SMAD7: variants seen among roughly 807,000 people sequenced by gnomAD.
The protein encoded by SMAD7 is MAD (mothers against decapentaplegic, Drosophila) homolog 7.
Under a neutral mutation model 38.7 loss-of-function variants are expected in SMAD7, and 8 were observed. The observed-to-expected ratio is 0.21, with a 90% CI of 0.12 to 0.37. The LOEUF is 0.37. SMAD7 is among the 10% of genes least tolerant of loss of function. The pLI is 1.00. For missense variants in SMAD7, 477 were observed against 577.9 expected, an observed-to-expected ratio of 0.83 and a Z score of 1.79; for synonymous variants, 327 against 265.1, an observed-to-expected ratio of 1.23 and a Z score of -2.27.
intron 3 of SMAD7, 142 bp downstream of exon 3, chr18:48,942,339 C>T (rs533029894): frequency 2.8e-5 from 18 of 648,472 alleles, no homozygotes; most frequent in East Asian, 1.6e-4. Context: ...ATGTCACCAC[C>T]GATGCATCCA....
intron 3 of SMAD7, among the ~76,000 whole-genome samples, chr18:48,925,254 A>G (rs1439187312): frequency 6.6e-6 from 1 of 152,228 alleles, no homozygotes; most frequent in Non-Finnish European, 1.5e-5. Context: ...AAAACTGTAC[A>G]GGGGCTTGTT....
intron 3 of SMAD7, among the ~76,000 whole-genome samples, chr18:48,939,823 C>A (rs955505438): frequency 6.6e-6 from 1 of 151,922 alleles, no homozygotes; most frequent in Non-Finnish European, 1.5e-5. Context: ...CCCCACCTTG[C>A]TGCCAGGCTC....
chr18:48,931,645 C>A (rs61168979), intron 3 of SMAD7, among the ~76,000 whole-genome samples: 5,814 of 152,314 alleles, frequency 0.038, 340 homozygotes, highest in African/African-American at 0.13. Context: ...CATTCCCACA[C>A]CCCTCAAATC....
chr18:48,940,534 C>T (rs1341608773), intron 3 of SMAD7, among the ~76,000 whole-genome samples: 1 of 152,084 alleles, frequency 6.6e-6, no homozygotes, highest in Non-Finnish European at 1.5e-5. Flanking sequence ...GTGGATCATC[C>T]GAGGTCAGGA....
At chr18:48,942,675 G>T (rs555621853) in intron 2 of SMAD7, 120 bp from the exon 3 acceptor site, 3 of 1,570,964 alleles carry the variant, frequency 1.9e-6, no homozygotes, top group East Asian at 2.3e-5. Context: ...AGGCTGACTC[G>T]CGGCCTTGAT....
At chr18:48,938,023 T>C (rs890045761) in intron 3 of SMAD7, among the ~76,000 whole-genome samples, 1 of 152,168 alleles carries the variant, frequency 6.6e-6, no homozygotes, top group Non-Finnish European at 1.5e-5. Context: ...ATGATCACAA[T>C]TCCAAGCCAG....
intron 3 of SMAD7, among the ~76,000 whole-genome samples, chr18:48,929,573 T>TCACACACACACACACACACACACACACA (rs6146310): frequency 7.3e-6 from 1 of 137,324 alleles, no homozygotes; most frequent in African/African-American, 2.8e-5. Context: ...TCTCTCTCAC[T>TCACACACACACACACACACACACACACA]CACACACACA....
chr18:48,949,687 C>T (rs2070238095), intron 1 of SMAD7, 125 bp downstream of exon 1: 1 of 1,045,042 alleles, frequency 9.6e-7, no homozygotes, highest in Admixed American at 3.1e-5. Flanking sequence ...AGGGTATGCA[C>T]ACTCTCCCAG....
intron 2 of SMAD7, among the ~76,000 whole-genome samples, chr18:48,946,312 A>C (rs1328771117): frequency 6.6e-6 from 1 of 152,148 alleles, no homozygotes; most frequent in Non-Finnish European, 1.5e-5. Flanking sequence ...TCCCGGGCCA[A>C]ACATTCTCCC....
intron 3 of SMAD7, among the ~76,000 whole-genome samples, chr18:48,923,429 CA>C (rs2069887906): frequency 6.6e-6 from 1 of 152,202 alleles, no homozygotes; most frequent in African/African-American, 2.4e-5. Flanking sequence ...CCAACTTTTA[CA>C]GGCGTGTTAG....
At chr18:48,948,494 A>G (rs2070222286) in intron 1 of SMAD7, 57 bp from the exon 2 acceptor site, 1 of 1,220,694 alleles carries the variant, frequency 8.2e-7, no homozygotes, top group Non-Finnish European at 1.2e-6. Flanking sequence ...AGAGATAGAA[A>G]CTTATGATAA....
At position 48,950,122 on chromosome 18, in the gene SMAD7, C is replaced by T. The variant is rs776636631; in HGVS notation, c.303G>A (p.Lys101=). 1 of 1,494,590 alleles carries T rather than the reference C, an allele frequency of 6.7e-7. No individual in the cohort carries two copies. Among genetic ancestry groups the T allele is most frequent in the South Asian group, 1.3e-5 (1 of 78,608 alleles). 92.6% of individuals were successfully genotyped at this position (1,494,590 alleles called of 1,614,324 possible). A position where few individuals can be genotyped will look rare whatever the true frequency, so the allele number is the denominator to read the frequency against. ...GCTCCAGCTGCCGCTCCTTCAGTTT[C>T]TTGAGCACCGAGTGCGTGAGCGCCT... is the stretch of plus-strand genomic sequence containing the variant. ...DLKALTHSVL[K]KLKERQLELL... The change falls in exon 1 of 4, where the codon AAG becomes AAA. Residue 101 remains lysine, a synonymous_variant. Transcript: ENST00000262158.
At position 48,950,166 on chromosome 18, in the gene SMAD7, C is replaced by T; in HGVS notation, c.259G>A (p.Gly87Ser). Residue 87 changes from glycine to serine, a missense_variant, in exon 1 of 4, where the codon GGC (glycine) becomes AGC (serine). Coordinates refer to ENST00000262158, the MANE Select transcript of SMAD7 (RefSeq NM_005904.4). ...PPAAGAGAAG[G>S]AEADLKALTH... is the part of the protein sequence containing the mutation. ...AGCGCCTTCAGATCCGCCTCGGCGC[C>T]CCCGGCCGCGCCGGCGCCCGCGGCT... The T allele has an allele frequency of 6.7e-7, 1 of 1,488,000 alleles. No homozygotes were observed. The allele number at this position is 1,488,000 out of a possible 1,614,324, so 92.2% of individuals were successfully genotyped here.
intron 3 of SMAD7, among the ~76,000 whole-genome samples, chr18:48,937,676 T>A (rs1437772642): frequency 6.6e-6 from 1 of 152,170 alleles, no homozygotes; most frequent in Non-Finnish European, 1.5e-5. Context: ...CAGCCCTGAC[T>A]CATCCTGTTG....
intron 3 of SMAD7, among the ~76,000 whole-genome samples, chr18:48,922,999 C>T (rs2069881550): frequency 1.3e-5 from 2 of 152,198 alleles, no homozygotes; most frequent in Non-Finnish European, 1.5e-5. Context: ...CATTCTGACT[C>T]CTCCTTAAGT....
chr18:48,949,126 C>A, intron 1 of SMAD7: 1 of 202,178 alleles, frequency 4.9e-6, no homozygotes, highest in Non-Finnish European at 8.8e-6. Flanking sequence ...AATCTACAGA[C>A]TTATCTGTGC....
Position 48,950,618 on chromosome 18 carries a change from G to A in SMAD7, c.-194C>T, listed in dbSNP as rs2070252955. 1.0e-5 allele frequency: 3 copies of A among 290,970 alleles called. No individual in the cohort carries two copies. The highest frequency in any genetic ancestry group is 2.2e-5 in the African/African-American group (1 of 44,708). The allele number at this position is 290,970 out of a possible 1,614,324, so 18.0% of individuals were successfully genotyped here. A position where few individuals can be genotyped will look rare whatever the true frequency, so the allele number is the denominator to read the frequency against. ...ATGCGCCAGTCTCCCGGAGGCCGGG[G>A]CGCGCGCGGGGGCCCGGGGGCGCCC... On this transcript the variant is annotated 5_prime_UTR_variant, in exon 1 of 4. Coordinates refer to ENST00000262158, the MANE Select transcript of SMAD7 (RefSeq NM_005904.4).
At chr18:48,941,029 G>A (rs1336473772) in intron 3 of SMAD7, among the ~76,000 whole-genome samples, 5 of 152,180 alleles carry the variant, frequency 3.3e-5, no homozygotes, top group East Asian at 1.9e-4. Flanking sequence ...TGGAGGGGCC[G>A]GGGCTCCTCC....
In SMAD7 at chr18:48,948,543, T is replaced by G. The variant is rs1446541831; in HGVS notation, c.614-106A>C. On this transcript the variant is annotated intron_variant, in intron 1 of 3. Coordinates refer to ENST00000262158, the MANE Select transcript of SMAD7 (RefSeq NM_005904.4). Reference sequence around the variant, plus strand: ...TTAGCCCAACTGTTTGTCTTAGCTGTGGGGGTTGGAGGCAGGGCCGCGAGG... The same window carrying G: ...TTAGCCCAACTGTTTGTCTTAGCTGGGGGGGTTGGAGGCAGGGCCGCGAGG... The G allele has an allele frequency of 1.4e-5, 11 of 793,888 alleles. No individual in the cohort carries two copies. The South Asian group carries it at 1.6e-4, about 12-fold the overall frequency. The allele number at this position is 793,888 out of a possible 1,614,324, so 49.2% of individuals were successfully genotyped here.
Sources: allele counts gnomAD v4.1 joint callset (sites outside exome capture counted in the v4.1 genomes callset), GRCh38; gene constraint gnomAD v4.1.1; transcripts MANE v1.5; gene names NCBI Gene and HGNC (gene_info 2026-07-23, HGNC 2026-07-21).